PTPRD: variants seen among roughly 807,000 people sequenced by gnomAD.
PTPRD encodes receptor-type tyrosine-protein phosphatase delta.
Under a neutral mutation model 214.5 loss-of-function variants are expected in PTPRD, and 34 were observed. The observed-to-expected ratio is 0.16, with a 90% CI of 0.12 to 0.21. PTPRD has a LOEUF of 0.21. Ranked by LOEUF, PTPRD falls within the 10% of genes least tolerant of loss-of-function variation. The pLI is 1.00. For missense variants in PTPRD, 2,545 were observed against 2,398.7 expected (o/e 1.06, Z -1.27); for synonymous variants, 1,128 against 845.7 (o/e 1.33, Z -5.79).
chr9:9,822,876 G>T (rs1352297862), intron 5 of PTPRD, among the ~76,000 whole-genome samples: 1 of 152,098 alleles, frequency 6.6e-6, no homozygotes, highest in Admixed American at 6.6e-5. Context: ...GGGAATGTAA[G>T]TCAACGCAGT....
intron 14 of PTPRD, among the ~76,000 whole-genome samples, chr9:8,630,170 T>C (rs151164746): frequency 3.9e-5 from 6 of 151,914 alleles, no homozygotes; most frequent in Non-Finnish European, 7.4e-5. Flanking sequence ...AGGGAGAAAG[T>C]AAATGATCCA....
intron 3 of PTPRD, among the ~76,000 whole-genome samples, chr9:10,075,882 T>C (rs185318499): frequency 3.5e-4 from 54 of 152,268 alleles, no homozygotes; most frequent in African/African-American, 1.3e-3. Flanking sequence ...TCTATAACGA[T>C]ATGTTATGAA....
chr9:10,184,652 G>T (rs1049823206), intron 3 of PTPRD, among the ~76,000 whole-genome samples: 11 of 152,152 alleles, frequency 7.2e-5, no homozygotes, highest in African/African-American at 2.7e-4. Context: ...TCCCTGGTAA[G>T]AACCATCATA....
intron 11 of PTPRD, among the ~76,000 whole-genome samples, chr9:8,741,602 G>C (rs1455364435): frequency 3.1e-5 from 1 of 32,054 alleles, no homozygotes; most frequent in Non-Finnish European, 6.0e-5. Context: ...TTTTTTTTTT[G>C]AGATGAAGTC....
chr9:8,545,620 GT>G (rs1450863515), intron 14 of PTPRD, among the ~76,000 whole-genome samples: 1 of 152,112 alleles, frequency 6.6e-6, no homozygotes, highest in Non-Finnish European at 1.5e-5. Flanking sequence ...ATGCTCTTTG[GT>G]AAATATTCTG....
chr9:10,333,224 G>A (rs2096783662), intron 3 of PTPRD, among the ~76,000 whole-genome samples: 1 of 151,794 alleles, frequency 6.6e-6, no homozygotes, highest in Non-Finnish European at 1.5e-5. Context: ...AAGGCGTCAG[G>A]TGGGAGCAGA....
At chr9:9,946,786 C>A (rs555970453) in intron 4 of PTPRD, among the ~76,000 whole-genome samples, 2 of 152,082 alleles carry the variant, frequency 1.3e-5, no homozygotes, top group East Asian at 3.9e-4. Flanking sequence ...CAACTCATGC[C>A]TAAAATATCA....
intron 10 of PTPRD, among the ~76,000 whole-genome samples, chr9:9,045,207 A>G (rs2099668411): frequency 6.6e-6 from 1 of 152,190 alleles, no homozygotes; most frequent in Non-Finnish European, 1.5e-5. Context: ...CATTAAAGGA[A>G]GGTGACGTTA....
rs61658066 is a variant in PTPRD, at chr9:9,104,425, T to C, written c.-143+78879A>G. On this transcript the variant is annotated intron_variant, in intron 10 of 45. Coordinates refer to ENST00000381196, the MANE Select transcript of PTPRD (RefSeq NM_002839.4). ...TTTAGCCAACAGATAGTGTGCCAATTCCTGAGATGAATAATTAAGTCTTGG... is the reference window on the plus strand; with the variant it reads ...TTTAGCCAACAGATAGTGTGCCAATCCCTGAGATGAATAATTAAGTCTTGG... Among the ~76,000 whole-genome samples the C allele has an allele frequency of 7.4e-3, 1,130 of 152,296 alleles. 17 individuals carry two copies. The highest frequency in any genetic ancestry group is 0.026 in the African/African-American group (1,060 of 41,552).
chr9:9,276,669 C>G (rs974868154), intron 9 of PTPRD, among the ~76,000 whole-genome samples: 1 of 151,356 alleles, frequency 6.6e-6, no homozygotes, highest in Non-Finnish European at 1.5e-5. Flanking sequence ...ACATGTACCT[C>G]TTTCTCCACT....
intron 11 of PTPRD, among the ~76,000 whole-genome samples, chr9:8,753,982 TA>T (rs1400890113): frequency 1.3e-5 from 2 of 151,942 alleles, no homozygotes; most frequent in Non-Finnish European, 2.9e-5. Context: ...CGGTCTCTAC[TA>T]AAAATACAAA....
chr9:9,846,151 C>A (rs1432727129), intron 5 of PTPRD, among the ~76,000 whole-genome samples: 1 of 152,028 alleles, frequency 6.6e-6, no homozygotes, highest in African/African-American at 2.4e-5. Flanking sequence ...CCTCCCTCCC[C>A]AAGCAAGATA....
At chr9:9,090,288 C>T (rs906065409) in intron 10 of PTPRD, among the ~76,000 whole-genome samples, 6 of 152,144 alleles carry the variant, frequency 3.9e-5, no homozygotes, top group African/African-American at 1.2e-4. Context: ...TTAGCCCCCA[C>T]ATATAAGTGA....
intron 34 of PTPRD, among the ~76,000 whole-genome samples, chr9:8,436,993 A>G (rs1185116995): frequency 6.6e-6 from 1 of 152,222 alleles, no homozygotes; most frequent in African/African-American, 2.4e-5. Flanking sequence ...ACTGACAGTC[A>G]GGCTTGATGT....
At chr9:9,029,719 G>A (rs1053435325) in intron 10 of PTPRD, among the ~76,000 whole-genome samples, 2 of 151,890 alleles carry the variant, frequency 1.3e-5, no homozygotes, top group East Asian at 3.9e-4. Flanking sequence ...GGTAGTGGTG[G>A]AGAGCTGAGG....
chr9:9,612,169 CTTTT>C (rs985729482), intron 7 of PTPRD, among the ~76,000 whole-genome samples: 17 of 151,598 alleles, frequency 1.1e-4, no homozygotes, highest in African/African-American at 3.9e-4. Context: ...TTCCTTTTTT[CTTTT>C]TTTATTTGTG....
At chr9:9,189,313 G>T (rs1270284470) in intron 9 of PTPRD, among the ~76,000 whole-genome samples, 1 of 152,098 alleles carries the variant, frequency 6.6e-6, no homozygotes, top group East Asian at 1.9e-4. Context: ...AAGTTGAGGT[G>T]CACAGTTGCT....
chr9:9,390,922 T>C (rs1021369404), intron 9 of PTPRD, among the ~76,000 whole-genome samples: 9 of 152,332 alleles, frequency 5.9e-5, no homozygotes, highest in Middle Eastern at 3.4e-3. Flanking sequence ...TTTGTTGTCA[T>C]TGATAACAAG....
At chr9:8,629,594 G>C (rs974944514) in intron 14 of PTPRD, among the ~76,000 whole-genome samples, 5 of 151,778 alleles carry the variant, frequency 3.3e-5, no homozygotes, top group Admixed American at 1.3e-4. Context: ...TTAAGGCACA[G>C]TCCTTAGTAG....
Sources: gnomAD v4.1 joint callset for allele counts (sites outside exome capture counted in the v4.1 genomes callset) on GRCh38, gnomAD v4.1.1 for gene constraint, MANE v1.5 for transcripts, NCBI Gene and HGNC (gene_info 2026-07-23, HGNC 2026-07-21) for gene names.